TMEM236: variants seen among roughly 807,000 people sequenced by gnomAD.
TMEM236 encodes the protein family with sequence similarity 23, member A.
Under a neutral mutation model 14.7 loss-of-function variants are expected in TMEM236, and 11 were observed. That is an observed-to-expected ratio of 0.75 (90% CI 0.47 to 1.24). The LOEUF (loss-of-function observed/expected upper bound fraction) is 1.24, where lower values mean the gene tolerates loss of function less well. Ranked by LOEUF, TMEM236 falls within the 50% of genes most tolerant of loss-of-function variation. TMEM236 has a pLI of 0.00. For synonymous variants in TMEM236, 182 were observed against 168.6 expected (o/e 1.08, Z -0.62); for missense variants, 464 against 427.3 (o/e 1.09, Z -0.76).
At chr10:17,759,732 G>C (rs952383323) in intron 1 of TMEM236, among the ~76,000 whole-genome samples, 19 of 152,086 alleles carry the variant, frequency 1.2e-4, no homozygotes, top group Non-Finnish European at 2.6e-4. Flanking sequence ...ACAGGAGTTA[G>C]AAGATCACAG....
intron 3 of TMEM236, among the ~76,000 whole-genome samples, chr10:17,780,005 G>A (rs1414594569): frequency 1.3e-5 from 2 of 152,298 alleles, no homozygotes; most frequent in East Asian, 3.9e-4. Context: ...GTTTTCTAAA[G>A]AGGTTTCAGG....
intron 3 of TMEM236, among the ~76,000 whole-genome samples, chr10:17,789,653 G>A (rs1281536558): frequency 4.6e-5 from 7 of 152,144 alleles, no homozygotes; most frequent in African/African-American, 1.7e-4. Flanking sequence ...GGCTGAGGCA[G>A]AAGGATCGCT....
chr10:17,757,557 C>G lies in TMEM236; in HGVS notation c.257+5005C>G, dbSNP rs1837301391. Among the ~76,000 whole-genome samples the G allele has an allele frequency of 2.0e-5, 3 of 150,942 alleles. No homozygotes were observed. The South Asian group carries it at 6.3e-4, about 32-fold the overall frequency. On this transcript the variant is annotated intron_variant, in intron 1 of 3. Coordinates refer to ENST00000377495, the MANE Select transcript of TMEM236 (RefSeq NM_001098844.3). Reference sequence around the variant, plus strand: ...AAGGCTGCAGTGTGTTGAGATCATGCCACTGCACTCTAGCCTGGGTCACAC... The same window carrying G: ...AAGGCTGCAGTGTGTTGAGATCATGGCACTGCACTCTAGCCTGGGTCACAC...
intron 1 of TMEM236, among the ~76,000 whole-genome samples, chr10:17,763,228 G>A (rs1837405508): frequency 6.6e-6 from 1 of 152,138 alleles, no homozygotes; most frequent in Non-Finnish European, 1.5e-5. Context: ...GAGGCAAGAA[G>A]ATTGCTTGAG....
chr10:17,777,466 T>C (rs898045912), intron 3 of TMEM236, among the ~76,000 whole-genome samples: 14 of 152,228 alleles, frequency 9.2e-5, no homozygotes, highest in African/African-American at 3.1e-4. Flanking sequence ...AATATAATTT[T>C]TTTTTCAATT....
At position 17,776,052 on chromosome 10, in the gene TMEM236, C is replaced by T. The variant is rs1410602180; in HGVS notation, c.354C>T (p.Ser118=). ...VTEVQKSING[S]ADVLPDMLPD... ...AGGTTCAAAAGAGCATTAATGGGTC[C>T]GCTGATGTCTTACCTGATATGTTAC... The change falls in exon 3 of 4, where the codon TCC becomes TCT. Residue 118 remains serine (S), a synonymous_variant. Transcript: ENST00000377495. 9.3e-6 allele frequency: 15 copies of T among 1,613,614 alleles called. No individual in the cohort carries two copies. The highest frequency in any genetic ancestry group is 2.2e-5 in the East Asian group (1 of 44,846).
At chr10:17,777,462 A>T (rs1349782954) in intron 3 of TMEM236, among the ~76,000 whole-genome samples, 1 of 151,084 alleles carries the variant, frequency 6.6e-6, no homozygotes, top group Non-Finnish European at 1.5e-5. Flanking sequence ...TTTAAATATA[A>T]TTTTTTTTTC....
At chr10:17,757,146 A>G (rs1396697399) in intron 1 of TMEM236, among the ~76,000 whole-genome samples, 2 of 152,040 alleles carry the variant, frequency 1.3e-5, no homozygotes, top group African/African-American at 2.4e-5. Flanking sequence ...ACTGGCATAG[A>G]AGAGAAGCAG....
intron 1 of TMEM236, among the ~76,000 whole-genome samples, chr10:17,769,049 C>T (rs1202820021): frequency 6.6e-6 from 1 of 152,116 alleles, no homozygotes; most frequent in Admixed American, 6.5e-5. Context: ...AAGCTTTATA[C>T]CCATTAACCA....
chr10:17,785,942 A>C (rs1589151098), intron 3 of TMEM236, among the ~76,000 whole-genome samples: 1 of 152,270 alleles, frequency 6.6e-6, no homozygotes, highest in Admixed American at 6.5e-5. Context: ...GACCCATGAG[A>C]TTGGGCCAAA....
At chr10:17,765,764 C>T (rs1208154048) in intron 1 of TMEM236, among the ~76,000 whole-genome samples, 4 of 152,210 alleles carry the variant, frequency 2.6e-5, no homozygotes, top group African/African-American at 7.2e-5. Flanking sequence ...TGGCCCCAAC[C>T]CCTCAGCCTT....
At position 17,752,515 on chromosome 10, in the gene TMEM236, C is replaced by A; in HGVS notation, c.220C>A (p.His74Asn). The A allele has an allele frequency of 6.2e-7, 1 of 1,613,872 alleles. No homozygotes were observed. The highest frequency in any genetic ancestry group is 8.5e-7 in the Non-Finnish European group (1 of 1,179,814). Reference protein sequence around the residue: ...LIWVPVKVILHKKRYIYRKIK... With the variant: ...LIWVPVKVILNKKRYIYRKIK... ...CTGGGTTCCTGTAAAAGTTATCCTG[C>A]ACAAGAAACGTTATATTTACAGAAA... Residue 74 changes from histidine to asparagine, a missense_variant, in exon 1 of 4, where the codon CAC becomes AAC. Physicochemically the swap from His to Asn is moderately conservative, Grantham distance 68. Coordinates refer to ENST00000377495, the MANE Select transcript of TMEM236 (RefSeq NM_001098844.3).
intron 2 of TMEM236, 98 bp from the exon 3 acceptor site, chr10:17,775,931 A>G: frequency 6.9e-7 from 1 of 1,450,702 alleles, no homozygotes; most frequent in African/African-American, 1.4e-5. Context: ...TAGTAAATGT[A>G]ATTATAATTA....
chr10:17,773,002 A>G (rs1837598950), intron 2 of TMEM236, among the ~76,000 whole-genome samples: 1 of 152,192 alleles, frequency 6.6e-6, no homozygotes, highest in Admixed American at 6.6e-5. Flanking sequence ...TAAATACCTG[A>G]AGCTCATTCG....
chr10:17,752,508 T>G lies in TMEM236; in HGVS notation c.213T>G (p.Val71=). The change falls in exon 1 of 4, where the codon GTT becomes GTG. Residue 71 remains valine, a synonymous_variant. Transcript: ENST00000377495. Reference sequence around the variant, plus strand: ...TACTGATCTGGGTTCCTGTAAAAGTTATCCTGCACAAGAAACGTTATATTT... The same window carrying G: ...TACTGATCTGGGTTCCTGTAAAAGTGATCCTGCACAAGAAACGTTATATTT... The part of the protein sequence containing the change: ...VTLLIWVPVK[V]ILHKKRYIYR... 6.2e-7 allele frequency: 1 copy of G among 1,613,956 alleles called. No individual in the cohort carries two copies. The highest frequency in any genetic ancestry group is 8.5e-7 in the Non-Finnish European group (1 of 1,179,860).
intron 3 of TMEM236, among the ~76,000 whole-genome samples, chr10:17,776,836 A>T (rs1837665105): frequency 6.6e-6 from 1 of 152,268 alleles, no homozygotes; most frequent in South Asian, 2.1e-4. Flanking sequence ...TGATGAGTTG[A>T]AACTAAATAC....
At chr10:17,783,176 T>C (rs1156596349) in intron 3 of TMEM236, among the ~76,000 whole-genome samples, 3 of 152,068 alleles carry the variant, frequency 2.0e-5, no homozygotes, top group African/African-American at 7.2e-5. Flanking sequence ...CAGAGTGTCC[T>C]CAGAAGGCCT....
Position 17,796,443 on chromosome 10 carries a change from T to C in TMEM236, c.995T>C (p.Ile332Thr). Residue 332 changes from isoleucine to threonine, a missense_variant, in exon 4 of 4, where the codon ATT (isoleucine) becomes ACT (threonine). Ile to Thr is a moderately conservative substitution (Grantham distance 89, BLOSUM62 -1). Coordinates refer to ENST00000377495, the MANE Select transcript of TMEM236 (RefSeq NM_001098844.3). ...AATATCCTCGTGACTCTCTCTTACA[T>C]TTACTTCAATTACCTAACCAGAATC... ...CKNILVTLSYIYFNYLTRIRI... is the reference protein window; with the variant it reads ...CKNILVTLSYTYFNYLTRIRI... 1 of 1,613,834 alleles carries C rather than the reference T, an allele frequency of 6.2e-7. No homozygotes were observed. Among genetic ancestry groups the C allele is most frequent in the South Asian group, 1.1e-5 (1 of 91,070 alleles).
intron 1 of TMEM236, among the ~76,000 whole-genome samples, 195 bp from the exon 2 acceptor site, chr10:17,771,114 C>T (rs1837564356): frequency 6.6e-6 from 1 of 152,190 alleles, no homozygotes; most frequent in African/African-American, 2.4e-5. Context: ...CCCCTTTGTT[C>T]TAGAAGAAGC....
Sources: allele counts gnomAD v4.1 joint callset (sites outside exome capture counted in the v4.1 genomes callset), GRCh38; gene constraint gnomAD v4.1.1; transcripts MANE v1.5; gene names NCBI Gene and HGNC (gene_info 2026-07-23, HGNC 2026-07-21).